The following DNAH5 variants were observed in gnomAD, a reference collection of about 807,000 sequenced individuals.
DNAH5 encodes axonemal beta dynein heavy chain 5.
DNAH5 carries 372 observed loss-of-function variants against 518.2 expected under a neutral mutation model. The observed-to-expected ratio is 0.72, with a 90% CI of 0.66 to 0.78. DNAH5 has a LOEUF of 0.78. DNAH5 is among the 30% of genes least tolerant of loss of function. DNAH5 has a pLI of 0.00. For synonymous variants in DNAH5, 2,039 were observed against 2,025.9 expected, an observed-to-expected ratio of 1.01 and a Z score of -0.17; for missense variants, 5,523 against 5,687.0, an observed-to-expected ratio of 0.97 and a Z score of 0.93.
Position 13,714,440 on chromosome 5 carries a change from G to A in DNAH5, c.13090C>T (p.Leu4364=), listed in dbSNP as rs764898250. ...AVVARLADDM[L]EKLPPDYVPF... ...ACATAGTCTGGGGGCAGCTTCTCCAGCATATCATCAGCCAGCCGGGCCACC... is the reference window on the plus strand; with the variant it reads ...ACATAGTCTGGGGGCAGCTTCTCCAACATATCATCAGCCAGCCGGGCCACC... The change falls in exon 75 of 79, where the codon CTG becomes TTG. Residue 4364 remains leucine, a synonymous_variant. Coordinates refer to ENST00000265104, the MANE Select transcript of DNAH5 (RefSeq NM_001369.3). 11 of 1,614,124 alleles carry A rather than the reference G, an allele frequency of 6.8e-6. No individual in the cohort carries two copies. The South Asian group carries it at 1.2e-4, about 18-fold the overall frequency.
At chr5:13,745,302 C>T (rs1235704739) in intron 65 of DNAH5, among the ~76,000 whole-genome samples, 1 of 152,032 alleles carries the variant, frequency 6.6e-6, no homozygotes, top group Non-Finnish European at 1.5e-5. Flanking sequence ...GTAATAGCAG[C>T]AGAATGTCCA....
At position 13,770,689 on chromosome 5, in the gene DNAH5, T is replaced by C. The variant is rs890405325; in HGVS notation, c.9605+60A>G. On this transcript the variant is annotated intron_variant, in intron 56 of 78. Coordinates refer to ENST00000265104, the MANE Select transcript of DNAH5 (RefSeq NM_001369.3). Reference sequence around the variant, plus strand: ...ATTGCAAAATAGCCACCAGGGCAAATCTGTCCCTGGTTGAGAGCCACGGCT... The same window carrying C: ...ATTGCAAAATAGCCACCAGGGCAAACCTGTCCCTGGTTGAGAGCCACGGCT... 2.7e-6 allele frequency: 4 copies of C among 1,471,170 alleles called. No individual in the cohort carries two copies. The African/African-American group carries it at 5.6e-5, about 20-fold the overall frequency. The allele number at this position is 1,471,170 out of a possible 1,614,324, so 91.1% of individuals were successfully genotyped here. A position where few individuals can be genotyped will look rare whatever the true frequency, so the allele number is the denominator to read the frequency against.
intron 65 of DNAH5, among the ~76,000 whole-genome samples, chr5:13,746,979 G>C (rs1485288916): frequency 1.3e-5 from 2 of 151,952 alleles, no homozygotes; most frequent in Non-Finnish European, 2.9e-5. Flanking sequence ...ATGTTGGTGT[G>C]CTGCACCCAT....
At chr5:13,861,192 T>C (rs955066691) in intron 29 of DNAH5, among the ~76,000 whole-genome samples, 1 of 152,210 alleles carries the variant, frequency 6.6e-6, no homozygotes, top group African/African-American at 2.4e-5. Context: ...GAGTGTCTTT[T>C]CTATCTCCCT....
At chr5:13,954,660 T>A (rs971183499) in intron 1 of DNAH5, among the ~76,000 whole-genome samples, 1 of 152,228 alleles carries the variant, frequency 6.6e-6, no homozygotes, top group South Asian at 2.1e-4. Flanking sequence ...CTCCACTTTC[T>A]TCCTCCCCCT....
At chr5:13,750,844 T>C (rs896436622) in intron 65 of DNAH5, among the ~76,000 whole-genome samples, 1 of 152,132 alleles carries the variant, frequency 6.6e-6, no homozygotes, top group African/African-American at 2.4e-5. Context: ...TCAGTCTGTA[T>C]AAAGGCAATC....
intron 75 of DNAH5, among the ~76,000 whole-genome samples, chr5:13,712,990 C>A (rs967771427): frequency 2.6e-5 from 4 of 151,742 alleles, no homozygotes; most frequent in African/African-American, 9.7e-5. Context: ...GAAAATAAGT[C>A]ATTCTACAAA....
At position 13,865,878 on chromosome 5, in the gene DNAH5, T is replaced by C. The variant is rs183833827; in HGVS notation, c.4145A>G (p.Tyr1382Cys). ...QNQFDNIYRK[Y>C]ITYTGGEELF... The stretch of plus-strand genomic sequence containing the variant: ...CTCCTCTCCTCCAGTATATGTGATG[T>C]ATTTCCGATAGATATTATCAAATTG... The change falls in exon 27 of 79, where the codon TAC becomes TGC. Residue 1382 changes from tyrosine to cysteine, a missense_variant. By Grantham distance (194) the Tyr-to-Cys change is radical. This residue lies in a region of DNAH5 where 5,121 missense variants were observed against 5,223.3 expected (regional missense o/e 0.98). Coordinates refer to ENST00000265104, the MANE Select transcript of DNAH5 (RefSeq NM_001369.3). 3 of 1,605,778 alleles carry C rather than the reference T, an allele frequency of 1.9e-6. No homozygotes were observed. Among genetic ancestry groups the C allele is most frequent in the East Asian group, 2.2e-5 (1 of 44,826 alleles).
chr5:13,975,446 T>C (rs968217051), intron 1 of DNAH5, among the ~76,000 whole-genome samples: 1 of 152,180 alleles, frequency 6.6e-6, no homozygotes, highest in African/African-American at 2.4e-5. Flanking sequence ...TGCCAGCCCA[T>C]AGCTCTGTGC....
chr5:13,817,746 C>T (rs1354234022), intron 41 of DNAH5, 52 bp from the exon 42 acceptor site: 2 of 1,560,822 alleles, frequency 1.3e-6, no homozygotes, highest in Non-Finnish European at 8.8e-7. Context: ...AGTGAACCAT[C>T]ATTAAGCAAC....
At chr5:13,891,221 T>A in intron 16 of DNAH5, 100 bp from the exon 17 acceptor site, 1 of 1,292,192 alleles carries the variant, frequency 7.7e-7, no homozygotes, top group Non-Finnish European at 1.1e-6. Flanking sequence ...AAATCAGCTT[T>A]AAAGATTCTC....
rs1291241349 is a variant in DNAH5, at chr5:13,870,886, A to T, written c.3715T>A (p.Phe1239Ile). 1 of 1,613,868 alleles carries T rather than the reference A, an allele frequency of 6.2e-7. No homozygotes were observed. The highest frequency in any genetic ancestry group is 8.5e-7 in the Non-Finnish European group (1 of 1,179,864). ...MENIFMLIEE[F>I]NKKLNRPIKD... Reference sequence around the variant, plus strand: ...ATTGGACGATTTAGTTTCTTATTGAATTCTTCAATAAGCATAAAAATGTTT... The same window carrying T: ...ATTGGACGATTTAGTTTCTTATTGATTTCTTCAATAAGCATAAAAATGTTT... Residue 1239 changes from phenylalanine to isoleucine, a missense_variant, in exon 24 of 79, where the codon TTC becomes ATC. Coordinates refer to ENST00000265104, the MANE Select transcript of DNAH5 (RefSeq NM_001369.3).
At chr5:13,783,477 G>A (rs1755500269) in intron 52 of DNAH5, among the ~76,000 whole-genome samples, 1 of 152,122 alleles carries the variant, frequency 6.6e-6, no homozygotes, top group Admixed American at 6.6e-5. Flanking sequence ...GGTAGTATAT[G>A]GGTGGGGAAT....
chr5:13,863,455 C>T lies in DNAH5; in HGVS notation c.4597-708G>A, dbSNP rs535618638. Among the ~76,000 whole-genome samples, 3 of 152,216 alleles carry T rather than the reference C, an allele frequency of 2.0e-5. No homozygotes were observed. In the South Asian group the frequency reaches 6.2e-4, roughly 32 times the overall value. On this transcript the variant is annotated intron_variant, in intron 28 of 78. Transcript: ENST00000265104. Reference sequence around the variant, plus strand: ...CCTTGTCACCCAATCTGATCACCTTCCCATGTTCCCCATCTCTGTGGTCAG... The same window carrying T: ...CCTTGTCACCCAATCTGATCACCTTTCCATGTTCCCCATCTCTGTGGTCAG...
At chr5:13,836,532 A>T (rs984132572) in intron 35 of DNAH5, among the ~76,000 whole-genome samples, 5 of 152,148 alleles carry the variant, frequency 3.3e-5, no homozygotes, top group African/African-American at 1.2e-4. Context: ...GGAGAGAATG[A>T]TCAACTGCTC....
intron 31 of DNAH5, among the ~76,000 whole-genome samples, chr5:13,847,757 G>T (rs1294284023): frequency 2.0e-5 from 3 of 151,584 alleles, no homozygotes; most frequent in Non-Finnish European, 4.4e-5. Flanking sequence ...AAAATAAAGG[G>T]GGGATTTCGC....
chr5:13,960,580 A>G (rs1781109427), intron 1 of DNAH5, among the ~76,000 whole-genome samples: 2 of 152,208 alleles, frequency 1.3e-5, no homozygotes, highest in South Asian at 4.1e-4. Context: ...CAAAGTCTGT[A>G]ATATTTATTT....
At chr5:13,822,359 T>G (rs1278446264) in intron 40 of DNAH5, among the ~76,000 whole-genome samples, 2 of 151,968 alleles carry the variant, frequency 1.3e-5, no homozygotes, top group Non-Finnish European at 2.9e-5. Flanking sequence ...TAAGTGACCC[T>G]CCCACCTCAG....
intron 71 of DNAH5, 63 bp from the exon 72 acceptor site, chr5:13,719,164 C>A: frequency 2.4e-6 from 3 of 1,246,150 alleles, no homozygotes; most frequent in Non-Finnish European, 3.5e-6. Context: ...TAAATTATTA[C>A]ATTCTTTAGA....
Sources: allele counts gnomAD v4.1 joint callset (sites outside exome capture counted in the v4.1 genomes callset), GRCh38; gene constraint gnomAD v4.1.1; regional missense constraint gnomAD v4.1.1; transcripts MANE v1.5; gene names NCBI Gene and HGNC (gene_info 2026-07-23, HGNC 2026-07-21).